Variants in CLIC5 observed in about 807,000 individuals in gnomAD.
The protein encoded by CLIC5 is CLIC family member 5, also known as chloride intracellular channel protein 5.
In CLIC5, 20 loss-of-function variants were observed where a neutral mutation model predicts 24.7. The ratio of observed to expected loss-of-function variants is 0.81; its 90% CI spans 0.57 to 1.18. The LOEUF (loss-of-function observed/expected upper bound fraction) is 1.18. Ranked by LOEUF, CLIC5 falls within the 50% of genes most tolerant of loss-of-function variation. The pLI is 0.00. For synonymous variants in CLIC5, 159 were observed against 135.6 expected (o/e 1.17, Z -1.20); for missense variants, 341 against 326.1 (o/e 1.05, Z -0.35).
At chr6:45,975,703 T>A (rs769296928) in intron 1 of CLIC5, among the ~76,000 whole-genome samples, 1 of 152,226 alleles carries the variant, frequency 6.6e-6, no homozygotes, top group African/African-American at 2.4e-5. Context: ...CAAGACAATA[T>A]GTTACCTGTC....
At chr6:45,944,663 C>T (rs990405600) in intron 3 of CLIC5, among the ~76,000 whole-genome samples, 2 of 151,884 alleles carry the variant, frequency 1.3e-5, no homozygotes, top group Non-Finnish European at 2.9e-5. Context: ...CAGCTGACTT[C>T]TCACTGACTA....
chr6:46,107,608 A>G, the CLIC5 span, among the ~76,000 whole-genome samples: 3 of 152,362 alleles, frequency 2.0e-5, no homozygotes, highest in African/African-American at 7.2e-5. Flanking sequence ...GAAAAGTAGG[A>G]AGTATTTTCG....
In CLIC5 at chr6:45,958,437, T is replaced by TATATATACACACACACACACACACAC. The variant is rs1554151272; in HGVS notation, c.64-3194_64-3193insGTGTGTGTGTGTGTGTGTGTATATAT. Among the ~76,000 whole-genome samples the TATATATACACACACACACACACACAC allele has an allele frequency of 2.6e-3, 20 of 7,768 alleles. 1 individual carries two copies. The highest frequency in any genetic ancestry group is 7.1e-3 in the Non-Finnish European group (17 of 2,404). The allele number at this position is 7,768 out of a possible 152,430, so 5.1% of individuals were successfully genotyped here. On this transcript the variant is annotated intron_variant, in intron 1 of 5. Transcript: ENST00000339561. The stretch of plus-strand genomic sequence containing the variant: ...AAAAAGACAATTATATATATATATA[T>TATATATACACACACACACACACACAC]ATATATATATATATATATATATATA...
At chr6:45,939,822 T>G (rs908988368) in intron 4 of CLIC5, among the ~76,000 whole-genome samples, 4 of 152,126 alleles carry the variant, frequency 2.6e-5, no homozygotes, top group South Asian at 4.1e-4. Flanking sequence ...AAACAAGTTT[T>G]TTTTTTTTTT....
upstream of CLIC5, among the ~76,000 whole-genome samples, chr6:46,020,276 C>T (rs1767139395): frequency 6.6e-6 from 1 of 152,038 alleles, no homozygotes; most frequent in African/African-American, 2.4e-5. Context: ...AGAAAGATAT[C>T]CAAAACACTT....
At chr6:46,000,864 C>A (rs1766330640) in intron 1 of CLIC5, among the ~76,000 whole-genome samples, 1 of 152,296 alleles carries the variant, frequency 6.6e-6, no homozygotes, top group South Asian at 2.1e-4. Context: ...GGATGCAGAG[C>A]CAAACCATAT....
At chr6:45,989,202 C>T (rs1213499459) in intron 1 of CLIC5, among the ~76,000 whole-genome samples, 1 of 152,216 alleles carries the variant, frequency 6.6e-6, no homozygotes, top group East Asian at 1.9e-4. Flanking sequence ...CCCACCCCCA[C>T]CGATGCTTTC....
intron 1 of CLIC5, among the ~76,000 whole-genome samples, chr6:46,043,429 G>A (rs972759575): frequency 6.6e-6 from 1 of 152,204 alleles, no homozygotes; most frequent in Non-Finnish European, 1.5e-5. Flanking sequence ...TCAAATACCT[G>A]CAAAGTACAG....
intron 3 of CLIC5, among the ~76,000 whole-genome samples, chr6:45,945,893 ATGAC>A (rs1370156158): frequency 6.6e-6 from 1 of 152,254 alleles, no homozygotes; most frequent in Non-Finnish European, 1.5e-5. Flanking sequence ...TTCTTGCTAG[ATGAC>A]TGACTAAATG....
chr6:45,923,955 C>G (rs191496597), intron 4 of CLIC5, among the ~76,000 whole-genome samples: 7 of 152,084 alleles, frequency 4.6e-5, no homozygotes, highest in African/African-American at 1.7e-4. Context: ...ACATGGCATA[C>G]CTTAGAGGGT....
At chr6:46,040,311 G>A (rs187648139) in intron 1 of CLIC5, among the ~76,000 whole-genome samples, 11 of 152,260 alleles carry the variant, frequency 7.2e-5, no homozygotes, top group East Asian at 5.8e-4. Flanking sequence ...TTGATTTGTT[G>A]CTCATAGTGT....
chr6:45,975,640 T>TA lies in CLIC5; in HGVS notation c.64-20397dup, dbSNP rs1203121560. Among the ~76,000 whole-genome samples the TA allele has an allele frequency of 5.3e-5, 8 of 152,034 alleles. No individual in the cohort carries two copies. The East Asian group carries it at 7.7e-4, about 15-fold the overall frequency. ...ATGTATATAGTTATGTTGCTAATCT[T>TA]AAAAAAAATCTTGAAATGTGCTTTA... On this transcript the variant is annotated intron_variant, in intron 1 of 5. Transcript: ENST00000339561.
intron 1 of CLIC5, among the ~76,000 whole-genome samples, chr6:45,977,962 G>T (rs1010625769): frequency 2.0e-5 from 3 of 152,174 alleles, no homozygotes; most frequent in Admixed American, 6.5e-5. Flanking sequence ...CAGTGGTGGG[G>T]TTTTTCTCTG....
At chr6:46,119,507 C>T in the CLIC5 span, among the ~76,000 whole-genome samples, 3 of 152,222 alleles carry the variant, frequency 2.0e-5, no homozygotes, top group Non-Finnish European at 2.9e-5. Context: ...CCAGCGTGAG[C>T]GACGCAGAAG....
rs1476792958 is a variant in CLIC5 at position 46,032,755 on chromosome 6, GA to G, written c.540+46947del. ...CCTTATTCTTAAGTCTGCCAAAGCC[GA>G]GAGGAACTTAGTGAGCTACTCGGGC... On this transcript the variant is annotated intron_variant, in intron 1 of 5. Transcript: ENST00000185206. Among the ~76,000 whole-genome samples, 13 of 152,154 alleles carry G rather than the reference GA, an allele frequency of 8.5e-5. No individual in the cohort carries two copies. The East Asian group carries it at 1.9e-3, about 23-fold the overall frequency.
At chr6:45,967,350 G>T (rs934569298) in intron 1 of CLIC5, among the ~76,000 whole-genome samples, 4 of 152,196 alleles carry the variant, frequency 2.6e-5, no homozygotes, top group Admixed American at 6.5e-5. Flanking sequence ...GGCAGCAAAA[G>T]GTAAAGACAT....
chr6:45,986,157 T>C (rs562922751), intron 1 of CLIC5, among the ~76,000 whole-genome samples: 4 of 152,344 alleles, frequency 2.6e-5, no homozygotes, highest in African/African-American at 9.6e-5. Flanking sequence ...TTACTCAGTC[T>C]TGGGTATGTC....
intron 1 of CLIC5, among the ~76,000 whole-genome samples, chr6:46,044,175 G>A (rs9349342): frequency 0.2 from 29,866 of 152,098 alleles, 2,972 homozygotes; most frequent in African/African-American, 0.25. Flanking sequence ...TTCTTTCCTT[G>A]GAAGATGCCA....
chr6:46,057,493 T>C (rs6899651), intron 1 of CLIC5, among the ~76,000 whole-genome samples: 107,368 of 152,146 alleles, frequency 0.71, 38,251 homozygotes, highest in African/African-American at 0.8. Flanking sequence ...AGCGTGAAAA[T>C]AGACTAATAC....
Sources: allele counts gnomAD v4.1 joint callset (sites outside exome capture counted in the v4.1 genomes callset), GRCh38; gene constraint gnomAD v4.1.1; transcripts MANE v1.5; gene names NCBI Gene and HGNC (gene_info 2026-07-23, HGNC 2026-07-21).